PDE10A: variants seen among roughly 807,000 people sequenced by gnomAD.
The protein encoded by PDE10A is phosphodiesterase 10A, also known as cAMP and cAMP-inhibited cGMP 3',5'-cyclic phosphodiesterase 10A.
PDE10A carries 39 observed loss-of-function variants against 97.7 expected under a neutral mutation model. That is an observed-to-expected ratio of 0.40 (90% confidence interval 0.31 to 0.52). PDE10A has a LOEUF of 0.52. Ranked by LOEUF, PDE10A falls within the 20% of genes least tolerant of loss-of-function variation. PDE10A has a pLI of 0.56. For synonymous variants in PDE10A, 371 were observed against 376.8 expected (o/e 0.98, Z 0.18); for missense variants, 731 against 1,047.8 (o/e 0.70, Z 4.17).
At chr6:165,604,873 T>A (rs1285036480) in intron 1 of PDE10A, among the ~76,000 whole-genome samples, 9 of 151,422 alleles carry the variant, frequency 5.9e-5, no homozygotes, top group Admixed American at 1.3e-4. Context: ...ACTTTGAAGA[T>A]TTTCCACATT....
chr6:165,703,183 CTTTG>C (rs1481591449), intron 1 of PDE10A, among the ~76,000 whole-genome samples: 2 of 152,162 alleles, frequency 1.3e-5, no homozygotes, highest in Non-Finnish European at 2.9e-5. Flanking sequence ...TTGGTAACAA[CTTTG>C]TTTGTCTATT....
At chr6:165,856,375 C>T (rs903919797) in intron 1 of PDE10A, among the ~76,000 whole-genome samples, 7 of 152,166 alleles carry the variant, frequency 4.6e-5, no homozygotes, top group Admixed American at 1.3e-4. Context: ...CTCCCTGGCA[C>T]GGAGCTGCAT....
chr6:165,953,527 G>A (rs1345139889), intron 1 of PDE10A, among the ~76,000 whole-genome samples: 2 of 151,924 alleles, frequency 1.3e-5, no homozygotes, highest in East Asian at 1.9e-4. Flanking sequence ...GGAAGCGGAG[G>A]TTGCACCAAG....
intron 2 of PDE10A, among the ~76,000 whole-genome samples, chr6:165,487,398 G>A (rs1779983510): frequency 6.6e-6 from 1 of 152,102 alleles, no homozygotes; most frequent in Admixed American, 6.5e-5. Flanking sequence ...AAAAAGCTCA[G>A]GGCTTCCACT....
chr6:165,833,256 AG>A (rs1430364046), intron 1 of PDE10A, among the ~76,000 whole-genome samples: 2 of 152,334 alleles, frequency 1.3e-5, no homozygotes, highest in African/African-American at 4.8e-5. Context: ...GTCCTTGACA[AG>A]GAGCTAGAGG....
rs1229788006 is a variant in PDE10A at position 165,662,297 on chromosome 6, G to A, written c.515C>T (p.Pro172Leu). 2 of 161,312 alleles carry A rather than the reference G, an allele frequency of 1.2e-5. No homozygotes were observed. The highest frequency in any genetic ancestry group is 2.6e-5 in the Non-Finnish European group (2 of 76,270). The allele number at this position is 161,312 out of a possible 1,614,324, so 10.0% of individuals were successfully genotyped here. Residue 172 changes from proline to leucine, a missense_variant, in exon 1 of 22, where the codon CCC (proline) becomes CTC (leucine). This residue lies in a region of PDE10A where 181 missense variants were observed against 159.1 expected (regional missense o/e 1.14). Coordinates refer to ENST00000539869, the MANE Select transcript of PDE10A (RefSeq NM_001385079.1). ...GGGGGGQEAA[P>L]LSVPTSSSHR... ...ACTACTGCTGGTGGGGACGCTCAAG[G>A]GAGCTGCCTCTTGTCCTCCTCCTCC...
intron 10 of PDE10A, among the ~76,000 whole-genome samples, chr6:165,424,725 A>C (rs188514039): frequency 2.2e-3 from 331 of 152,316 alleles, no homozygotes; most frequent in African/African-American, 7.5e-3. Context: ...ATTAACAACC[A>C]ATCCAGGAAT....
chr6:165,592,691 G>GA (rs1030772379), intron 1 of PDE10A, among the ~76,000 whole-genome samples: 6 of 151,836 alleles, frequency 4.0e-5, no homozygotes, highest in African/African-American at 7.3e-5. Context: ...ACAAACATAT[G>GA]AAAAAAAAGC....
intron 1 of PDE10A, among the ~76,000 whole-genome samples, chr6:165,887,066 G>C (rs1405608991): frequency 6.6e-5 from 10 of 152,178 alleles, no homozygotes; most frequent in Non-Finnish European, 1.5e-5. Context: ...CAATTGGGGA[G>C]ATTTATAAGA....
At position 165,422,422 on chromosome 6, in the gene PDE10A, TACACACATACGC is replaced by T. The variant is rs1483044406; in HGVS notation, c.1654-3657_1654-3646del. Among the ~76,000 whole-genome samples the T allele has an allele frequency of 4.0e-4, 56 of 138,712 alleles. 5 individuals are homozygous for T. Among genetic ancestry groups the T allele is most frequent in the African/African-American group, 1.3e-3 (46 of 34,802 alleles). 91.0% of individuals were successfully genotyped at this position (138,712 alleles called of 152,430 possible). ...ACACATACGCATACACACATATGCA[TACACACATACGC>T]ATACACACATACGCATATACACACA... is the stretch of plus-strand genomic sequence containing the variant. On this transcript the variant is annotated intron_variant, in intron 10 of 21. Coordinates refer to ENST00000539869, the MANE Select transcript of PDE10A (RefSeq NM_001385079.1).
chr6:165,690,935 G>GCTT (rs1791254037), intron 1 of PDE10A, among the ~76,000 whole-genome samples: 1 of 152,158 alleles, frequency 6.6e-6, no homozygotes, highest in East Asian at 1.9e-4. Flanking sequence ...CTGCTCTCCT[G>GCTT]CTTCTCAAGC....
chr6:165,492,742 T>C (rs1266671546), intron 2 of PDE10A, among the ~76,000 whole-genome samples: 2 of 152,286 alleles, frequency 1.3e-5, no homozygotes, highest in Middle Eastern at 3.4e-3. Flanking sequence ...TTATATTGAA[T>C]GTGAAAAACT....
chr6:165,514,732 T>C lies in PDE10A; in HGVS notation c.994+28708A>G, dbSNP rs552286515. ...CCCTGCAACTGCAGAAGAGAAGCTGTCAGAACCTCTGGACCAACTACTAGA... is the reference window on the plus strand; with the variant it reads ...CCCTGCAACTGCAGAAGAGAAGCTGCCAGAACCTCTGGACCAACTACTAGA... On this transcript the variant is annotated intron_variant, in intron 2 of 21. Coordinates refer to ENST00000539869, the MANE Select transcript of PDE10A (RefSeq NM_001385079.1). 1.3e-3 allele frequency among the ~76,000 whole-genome samples: 205 copies of C among 152,316 alleles called. 1 individual carries two copies. Among genetic ancestry groups the C allele is most frequent in the Admixed American group, 2.2e-3 (34 of 15,298 alleles).
chr6:165,637,816 A>C (rs1788950954), intron 1 of PDE10A, among the ~76,000 whole-genome samples: 2 of 152,190 alleles, frequency 1.3e-5, no homozygotes, highest in Non-Finnish European at 2.9e-5. Context: ...CTGTGGAATG[A>C]TATTTACAAT....
At chr6:165,913,460 T>C (rs1782519670) in intron 1 of PDE10A, among the ~76,000 whole-genome samples, 1 of 152,244 alleles carries the variant, frequency 6.6e-6, no homozygotes, top group African/African-American at 2.4e-5. Flanking sequence ...CTAGATTACT[T>C]ACAATATCTA....
chr6:165,403,991 G>T (rs1583206664), intron 13 of PDE10A, among the ~76,000 whole-genome samples: 1 of 152,162 alleles, frequency 6.6e-6, no homozygotes, highest in African/African-American at 2.4e-5. Context: ...AAAGGAATAT[G>T]TTCTATTGTT....
intron 3 of PDE10A, among the ~76,000 whole-genome samples, chr6:165,461,097 A>T (rs988133320): frequency 2.0e-5 from 3 of 152,070 alleles, no homozygotes; most frequent in Non-Finnish European, 4.4e-5. Context: ...GAGCTCCAAC[A>T]TTTCCCCTTG....
intron 1 of PDE10A, among the ~76,000 whole-genome samples, chr6:165,846,829 C>A (rs771338178): frequency 6.6e-6 from 1 of 152,218 alleles, no homozygotes; most frequent in Non-Finnish European, 1.5e-5. Context: ...GGGAAGAAAT[C>A]CCGGACGCCT....
chr6:165,639,722 G>T (rs1233755592), intron 1 of PDE10A, among the ~76,000 whole-genome samples: 9 of 121,914 alleles, frequency 7.4e-5, no homozygotes, highest in Admixed American at 5.3e-4. Flanking sequence ...CTAGGCAACA[G>T]AGCAAGACTC....
Sources: allele counts gnomAD v4.1 joint callset (sites outside exome capture counted in the v4.1 genomes callset), GRCh38; gene constraint gnomAD v4.1.1; regional missense constraint gnomAD v4.1.1; transcripts MANE v1.5; gene names NCBI Gene and HGNC (gene_info 2026-07-23, HGNC 2026-07-21).